SHF: variants seen among roughly 807,000 people sequenced by gnomAD.
The protein encoded by SHF is SH2 domain-containing adapter protein F.
A neutral mutation model predicts 42.4 loss-of-function variants in SHF; 30 were observed. The ratio of observed to expected loss-of-function variants is 0.71; its 90% CI spans 0.53 to 0.96. The LOEUF (loss-of-function observed/expected upper bound fraction) is 0.96, where lower values mean the gene tolerates loss of function less well. Among genes scored for constraint, SHF ranks in the 40% least tolerant of loss-of-function variants. The pLI, the probability that SHF is intolerant of heterozygous loss-of-function variation, is 0.00. For missense variants in SHF, 598 were observed against 634.0 expected, an observed-to-expected ratio of 0.94 and a Z score of 0.61; for synonymous variants, 264 against 269.9, an observed-to-expected ratio of 0.98 and a Z score of 0.21.
rs1480179860 is a variant in SHF at position 45,178,239 on chromosome 15, G to C, written c.566C>G (p.Ala189Gly). The C allele has an allele frequency of 1.2e-6, 2 of 1,613,994 alleles. No individual in the cohort carries two copies. The highest frequency in any genetic ancestry group is 8.5e-7 in the Non-Finnish European group (1 of 1,179,900). ...VQETGEGSAG[A>G]SGAPEKVPEN... is the part of the protein sequence containing the mutation. ...AGGGACCTTCTCTGGGGCTCCTGAA[G>C]CTCCTGCTGAGCCTTCGCCAGTCTC... Residue 189 changes from alanine to glycine, a missense_variant, in exon 2 of 7, where the codon GCT becomes GGT. This residue lies in a region of SHF where 439 missense variants were observed against 524.6 expected (regional missense o/e 0.84). Transcript: ENST00000690270.
intron 6 of SHF, among the ~76,000 whole-genome samples, 193 bp from the exon 7 acceptor site, chr15:45,168,326 C>T (rs1897316830): frequency 6.6e-6 from 1 of 152,176 alleles, no homozygotes; most frequent in African/African-American, 2.4e-5. Context: ...TAGCACTGGG[C>T]ATTGGCTTTG....
At chr15:45,168,293 G>C (rs1897314736) in intron 6 of SHF, among the ~76,000 whole-genome samples, 160 bp from the exon 7 acceptor site, 1 of 152,186 alleles carries the variant, frequency 6.6e-6, no homozygotes, top group African/African-American at 2.4e-5. Flanking sequence ...CCAGAAAGCA[G>C]GGGTGGTGGT....
upstream of SHF, chr15:45,187,998 CGGGGGCGGGGGT>C: frequency 6.1e-6 from 1 of 163,258 alleles, no homozygotes; most frequent in Non-Finnish European, 8.5e-6. Flanking sequence ...GGGTGGGGGG[CGGGGGCGGGGGT>C]GGGGAGGGGG....
chr15:45,189,122 G>T (rs992144884), upstream of SHF, among the ~76,000 whole-genome samples: 4 of 151,408 alleles, frequency 2.6e-5, no homozygotes, highest in African/African-American at 9.7e-5. Context: ...GAACCCAGGA[G>T]GCAGAGGTTG....
upstream of SHF, among the ~76,000 whole-genome samples, chr15:45,192,273 A>G (rs985252977): frequency 1.4e-5 from 2 of 147,330 alleles, no homozygotes; most frequent in African/African-American, 2.5e-5. Context: ...TTTTTGAAAA[A>G]TCTTTAAATT....
chr15:45,188,425 G>T (rs942538930), upstream of SHF, among the ~76,000 whole-genome samples: 10 of 152,210 alleles, frequency 6.6e-5, no homozygotes, highest in African/African-American at 2.4e-4. Flanking sequence ...AAGAAAAGGG[G>T]CTAGGTTCTG....
In SHF at chr15:45,193,377, G is replaced by T. The variant is rs998983013; in HGVS notation, c.303+5395C>A. Among the ~76,000 whole-genome samples the T allele has an allele frequency of 1.3e-4, 20 of 152,274 alleles. No homozygotes were observed. The East Asian group carries it at 1.9e-3, about 15-fold the overall frequency. On this transcript the variant is annotated intron_variant, in intron 2 of 7. Transcript: ENST00000290894. Reference sequence around the variant, plus strand: ...GGTGGGACAACTGGAGGCCAGGGAGGGGGCTTCCAGTTCATAGGTAGATGA... The same window carrying T: ...GGTGGGACAACTGGAGGCCAGGGAGTGGGCTTCCAGTTCATAGGTAGATGA...
At chr15:45,190,713 A>T (rs1004172326), upstream of SHF, among the ~76,000 whole-genome samples, 1 of 152,144 alleles carries the variant, frequency 6.6e-6, no homozygotes, top group African/African-American at 2.4e-5. Context: ...GGTCGGCATT[A>T]GCTGGACAAA....
intron 1 of SHF, among the ~76,000 whole-genome samples, chr15:45,184,575 T>C (rs536998735): frequency 2.6e-5 from 4 of 152,272 alleles, no homozygotes; most frequent in Admixed American, 2.6e-4. Flanking sequence ...CAAACACGTA[T>C]CTTGGCATGA....
In SHF at chr15:45,187,602, G is replaced by A. The variant is rs1474967984; in HGVS notation, c.350C>T (p.Ala117Val). 1 of 1,230,318 alleles carries A rather than the reference G, an allele frequency of 8.1e-7. No individual in the cohort carries two copies. The highest frequency in any genetic ancestry group is 1.0e-6 in the Non-Finnish European group (1 of 987,034). The allele number at this position is 1,230,318 out of a possible 1,614,324, so 76.2% of individuals were successfully genotyped here. A position where few individuals can be genotyped will look rare whatever the true frequency, so the allele number is the denominator to read the frequency against. Residue 117 changes from alanine (A) to valine (V), a missense_variant, in exon 1 of 7, where the codon GCC becomes GTC. By Grantham distance (64) the Ala-to-Val change is moderately conservative. Coordinates refer to ENST00000690270, the MANE Select transcript of SHF (RefSeq NM_001394037.1). ...GGGGGCGACAGGGGTGGCGAGGGCG[G>A]CGGAGCCGGACGACCCCCCGGAGTA... ...DPYSGGSSGS[A>V]ALATPVAPGP...
chr15:45,196,097 GTT>G (rs58593409), intron 2 of SHF, among the ~76,000 whole-genome samples: 278 of 129,310 alleles, frequency 2.1e-3, no homozygotes, highest in African/African-American at 7.8e-3. Flanking sequence ...CTGACTTCCT[GTT>G]TTTTTTTTTT....
At position 45,182,209 on chromosome 15, in the gene SHF, G is replaced by A. The variant is rs8031001; in HGVS notation, c.499-3903C>T. ...GGGGCTCCAGAGGGTGTGGATCCAG[G>A]AGGAGCAAGAGGGGCACACGTTACA... On this transcript the variant is annotated intron_variant, in intron 1 of 6. Transcript: ENST00000690270. 9.4e-3 allele frequency among the ~76,000 whole-genome samples: 1,439 copies of A among 152,346 alleles called. 17 individuals carry two copies. Among genetic ancestry groups the A allele is most frequent in the African/African-American group, 0.033 (1,359 of 41,570 alleles).
At chr15:45,170,575 A>G (rs1277053173) in intron 6 of SHF, 1 of 491,116 alleles carries the variant, frequency 2.0e-6, no homozygotes, top group African/African-American at 2.1e-5. Context: ...TCACATAGCT[A>G]GTGTATCAAA....
rs567910216 is a variant in SHF, at chr15:45,178,779, C to T, written c.499-473G>A. ...CAATCTCTTGACCTTGTGATCTGCC[C>T]GCCTTGGCCTCCCAAAGTGCTGGGA... On this transcript the variant is annotated intron_variant, in intron 1 of 6. Coordinates refer to ENST00000690270, the MANE Select transcript of SHF (RefSeq NM_001394037.1). Among the ~76,000 whole-genome samples, 156 of 152,218 alleles carry T rather than the reference C, an allele frequency of 1.0e-3. 1 individual carries two copies. The South Asian group carries it at 0.012, about 12-fold the overall frequency.
intron 1 of SHF, among the ~76,000 whole-genome samples, chr15:45,181,799 C>T (rs955673756): frequency 6.6e-6 from 1 of 152,144 alleles, no homozygotes; most frequent in Non-Finnish European, 1.5e-5. Flanking sequence ...GGGGAAGACA[C>T]CTAAAACCAC....
exon 1 of SHF, chr15:45,200,773 CCTT>C (rs1899065379): frequency 2.2e-6 from 1 of 456,126 alleles, no homozygotes; most frequent in Admixed American, 2.3e-5. Flanking sequence ...AACTGATTTT[CCTT>C]CTTGTAAAAT....
intron 2 of SHF, among the ~76,000 whole-genome samples, chr15:45,195,203 T>C (rs904782496): frequency 2.0e-5 from 3 of 152,236 alleles, no homozygotes; most frequent in African/African-American, 7.2e-5. Context: ...ATTACCTGAT[T>C]TGTTGAGTAC....
intron 2 of SHF, among the ~76,000 whole-genome samples, chr15:45,196,797 G>T (rs1364283674): frequency 6.6e-6 from 1 of 151,828 alleles, no homozygotes; most frequent in Non-Finnish European, 1.5e-5. Context: ...TACTCGGGAG[G>T]CTGAGGCAGG....
chr15:45,180,488 G>C (rs1199469951), intron 1 of SHF, among the ~76,000 whole-genome samples: 13 of 152,256 alleles, frequency 8.5e-5, no homozygotes, highest in Admixed American at 8.5e-4. Context: ...TAAACCTTGC[G>C]ATGGCTCTCC....
Sources: allele counts gnomAD v4.1 joint callset (sites outside exome capture counted in the v4.1 genomes callset), GRCh38; gene constraint gnomAD v4.1.1; regional missense constraint gnomAD v4.1.1; transcripts MANE v1.5; gene names NCBI Gene and HGNC (gene_info 2026-07-23, HGNC 2026-07-21).